Variants in PCDHA1 observed in about 807,000 individuals in gnomAD.
PCDHA1 encodes protocadherin alpha 1.
In PCDHA1, 42 loss-of-function variants were observed where a neutral mutation model predicts 61.3. The ratio of observed to expected loss-of-function variants is 0.69; its 90% CI spans 0.54 to 0.89. The LOEUF is 0.89. Among genes scored for constraint, PCDHA1 ranks in the 40% least tolerant of loss-of-function variants. The pLI is 0.00. For synonymous variants in PCDHA1, 610 were observed against 553.8 expected, an observed-to-expected ratio of 1.10 and a Z score of -1.43; for missense variants, 1,256 against 1,235.3, an observed-to-expected ratio of 1.02 and a Z score of -0.25.
At chr5:140,888,972 G>A (rs900678700) in intron 1 of PCDHA1, among the ~76,000 whole-genome samples, 15 of 151,928 alleles carry the variant, frequency 9.9e-5, no homozygotes, top group Non-Finnish European at 4.4e-5. Context: ...TTAATGTGTT[G>A]AATTTATGAT....
At chr5:140,866,433 C>CTGAA (rs1217236180) in intron 1 of PCDHA1, 1 of 151,814 alleles carries the variant, frequency 6.6e-6, no homozygotes, top group Non-Finnish European at 1.5e-5. Context: ...GTCTTTCAGT[C>CTGAA]TTCTTCAGTC....
At chr5:140,889,872 G>A (rs1554184085) in intron 1 of PCDHA1, among the ~76,000 whole-genome samples, 1 of 152,140 alleles carries the variant, frequency 6.6e-6, no homozygotes, top group South Asian at 2.1e-4. Flanking sequence ...GGGGAAGCCT[G>A]CCACCATGTA....
chr5:140,793,980 TA>T (rs1229766650), intron 1 of PCDHA1, among the ~76,000 whole-genome samples: 1 of 152,262 alleles, frequency 6.6e-6, no homozygotes, highest in Middle Eastern at 3.2e-3. Context: ...CTTTGATTAC[TA>T]TGTTCTTCAT....
chr5:140,786,949 C>A lies in PCDHA1; in HGVS notation c.659C>A (p.Pro220Gln), dbSNP rs149577981. ...LLLTATDGGK[P>Q]ELQGTVELLI... ...CTGACTGCCACTGATGGGGGCAAACCGGAGCTGCAAGGTACAGTTGAGCTG... is the reference window on the plus strand; with the variant it reads ...CTGACTGCCACTGATGGGGGCAAACAGGAGCTGCAAGGTACAGTTGAGCTG... Residue 220 changes from proline to glutamine, a missense_variant, in exon 1 of 4, where the codon CCG (proline) becomes CAG (glutamine). Pro to Gln is a moderately conservative substitution (Grantham distance 76). Transcript: ENST00000504120. 2.3e-4 allele frequency: 378 copies of A among 1,614,114 alleles called. No individual in the cohort carries two copies. The African/African-American group carries it at 2.7e-3, about 11-fold the overall frequency.
In PCDHA1 at chr5:140,795,221, T is replaced by C. The variant is rs200649333; in HGVS notation, c.2394+6537T>C. ...AATCTGCAGAATGGCATTTTGTTTG[T>C]GAATTCTCGGATCGACCGGGAGGAG... On this transcript the variant is annotated intron_variant, in intron 1 of 3. Transcript: ENST00000504120. 316 of 1,614,212 alleles carry C rather than the reference T, an allele frequency of 2.0e-4. 3 individuals carry two copies. Among genetic ancestry groups the C allele is most frequent in the South Asian group, 1.7e-3 (152 of 91,086 alleles).
At chr5:140,853,355 C>G (rs1554146557) in intron 1 of PCDHA1, 1 of 981,160 alleles carries the variant, frequency 1.0e-6, no homozygotes, top group African/African-American at 1.8e-5. Context: ...CATGAACTCA[C>G]AGGGATCCAG....
In PCDHA1 at chr5:140,871,383, G is replaced by C. The variant is rs200820570; in HGVS notation, c.2394+82699G>C. 9.3e-6 allele frequency: 15 copies of C among 1,614,204 alleles called. No homozygotes were observed. The highest frequency in any genetic ancestry group is 6.7e-5 in the East Asian group (3 of 44,886). Reference sequence around the variant, plus strand: ...AGAGGCGGCAGAGGGTGTGCTCTGAGGAGGGCCCACCTAAGACGGACCTCA... The same window carrying C: ...AGAGGCGGCAGAGGGTGTGCTCTGACGAGGGCCCACCTAAGACGGACCTCA... On this transcript the variant is annotated intron_variant, in intron 1 of 3. Coordinates refer to ENST00000504120, the MANE Select transcript of PCDHA1 (RefSeq NM_018900.4).
rs202010088 is a variant in PCDHA1 at position 140,869,201 on chromosome 5, A to G, written c.2394+80517A>G. On this transcript the variant is annotated intron_variant, in intron 1 of 3. Transcript: ENST00000504120. ...GAGGTGGGGAGCGGCCAGCTCCACTACTCCGTCTCGGAGGAGGCCAAACAC... is the reference window on the plus strand; with the variant it reads ...GAGGTGGGGAGCGGCCAGCTCCACTGCTCCGTCTCGGAGGAGGCCAAACAC... 1.3e-3 allele frequency: 2,112 copies of G among 1,612,868 alleles called. 36 individuals carry two copies. The highest frequency in any genetic ancestry group is 1.6e-3 in the Admixed American group (96 of 59,934).
At chr5:140,917,495 AATG>A (rs1391932074) in intron 1 of PCDHA1, among the ~76,000 whole-genome samples, 1 of 152,174 alleles carries the variant, frequency 6.6e-6, no homozygotes, top group Non-Finnish European at 1.5e-5. Flanking sequence ...CTATGCCCAG[AATG>A]ATATTTTCTA....
At chr5:140,918,595 A>T (rs2078770795) in intron 1 of PCDHA1, among the ~76,000 whole-genome samples, 1 of 152,228 alleles carries the variant, frequency 6.6e-6, no homozygotes, top group Non-Finnish European at 1.5e-5. Context: ...TGTTCTATAG[A>T]TGTTGCTATG....
chr5:140,875,567 A>G (rs1389005721), intron 1 of PCDHA1: 14 of 1,613,986 alleles, frequency 8.7e-6, no homozygotes, highest in African/African-American at 2.7e-5. Context: ...GGCCAGCTCC[A>G]CTACTCCGTC....
chr5:140,838,040 G>T (rs1775384058), intron 1 of PCDHA1, among the ~76,000 whole-genome samples: 1 of 149,654 alleles, frequency 6.7e-6, no homozygotes, highest in Non-Finnish European at 1.5e-5. Context: ...CTACCTTTCT[G>T]CACTTTTTGG....
chr5:140,828,767 G>A, intron 1 of PCDHA1: 1 of 1,614,200 alleles, frequency 6.2e-7, no homozygotes, highest in Non-Finnish European at 8.5e-7. Flanking sequence ...CACAGGCACT[G>A]TTCAGCTGCT....
At chr5:140,958,620 T>C (rs1260968586) in intron 1 of PCDHA1, among the ~76,000 whole-genome samples, 1 of 152,132 alleles carries the variant, frequency 6.6e-6, no homozygotes, top group African/African-American at 2.4e-5. Flanking sequence ...CTAGTCCAGC[T>C]TGAGAGTACT....
At position 140,786,602 on chromosome 5, in the gene PCDHA1, C is replaced by G. The variant is rs782318680; in HGVS notation, c.312C>G (p.Ile104Met). The change falls in exon 1 of 4, where the codon ATC (isoleucine) becomes ATG (methionine). Residue 104 changes from isoleucine to methionine, a missense_variant. By Grantham distance (10) the Ile-to-Met change is conservative. Coordinates refer to ENST00000504120, the MANE Select transcript of PCDHA1 (RefSeq NM_018900.4). ...GCCAGTGGAGCGCGGAGTGCAGCAT[C>G]CACCTGGAGTTGATCGCCGACAGGC... Reference protein sequence around the residue: ...ELCQWSAECSIHLELIADRPL... With the variant: ...ELCQWSAECSMHLELIADRPL... 3.1e-6 allele frequency: 5 copies of G among 1,614,258 alleles called. No individual in the cohort carries two copies. The highest frequency in any genetic ancestry group is 1.6e-4 in the Middle Eastern group (1 of 6,062).
intron 1 of PCDHA1, chr5:140,859,549 C>A (rs958434264): frequency 5.0e-5 from 9 of 181,676 alleles, no homozygotes; most frequent in Non-Finnish European, 9.0e-5. Context: ...CTAGTGTTAC[C>A]AAACACCAAT....
At chr5:140,926,938 G>C in intron 1 of PCDHA1, 1 of 1,581,492 alleles carries the variant, frequency 6.3e-7, no homozygotes. Context: ...GGTTTCCTGC[G>C]GCGCTGCAGC....
rs376943163 is a variant in PCDHA1 at position 140,883,718 on chromosome 5, G to C, written c.2394+95034G>C. On this transcript the variant is annotated intron_variant, in intron 1 of 3. Coordinates refer to ENST00000504120, the MANE Select transcript of PCDHA1 (RefSeq NM_018900.4). The stretch of plus-strand genomic sequence containing the variant: ...CACGGTGTCTGCTCAGGACGCGGAC[G>C]CACAGGAGAACGCGCTGGTCTCCTA... The C allele has an allele frequency of 5.0e-5, 81 of 1,613,524 alleles. No homozygotes were observed. Among genetic ancestry groups the C allele is most frequent in the Non-Finnish European group, 6.4e-5 (75 of 1,179,854 alleles).
intron 1 of PCDHA1, chr5:140,928,160 C>T (rs782224079): frequency 1.2e-6 from 2 of 1,614,094 alleles, no homozygotes; most frequent in Non-Finnish European, 1.7e-6. Context: ...AGTGGCTCAC[C>T]CCCACTTAGC....
Sources: gnomAD v4.1 joint callset for allele counts (sites outside exome capture counted in the v4.1 genomes callset) on GRCh38, gnomAD v4.1.1 for gene constraint, MANE v1.5 for transcripts, NCBI Gene and HGNC (gene_info 2026-07-23, HGNC 2026-07-21) for gene names.